UNC5C: variants seen among roughly 807,000 people sequenced by gnomAD.
The protein encoded by UNC5C is netrin receptor UNC5C.
In UNC5C, 47 loss-of-function variants were observed where a neutral mutation model predicts 99.8. That is an observed-to-expected ratio of 0.47 (90% CI 0.37 to 0.60). The LOEUF (loss-of-function observed/expected upper bound fraction) is 0.60, where lower values mean the gene tolerates loss of function less well. Ranked by LOEUF, UNC5C falls within the 20% of genes least tolerant of loss-of-function variation. UNC5C has a pLI of 0.00. For missense variants in UNC5C, 1,062 were observed against 1,165.9 expected, an observed-to-expected ratio of 0.91 and a Z score of 1.30; for synonymous variants, 487 against 452.2, an observed-to-expected ratio of 1.08 and a Z score of -0.98.
intron 1 of UNC5C, among the ~76,000 whole-genome samples, chr4:95,417,822 T>C (rs1005645274): frequency 3.9e-5 from 6 of 152,176 alleles, no homozygotes; most frequent in African/African-American, 1.4e-4. Context: ...TTCTTTCTTC[T>C]CCTTTGATCT....
intron 4 of UNC5C, 85 bp downstream of exon 4, chr4:95,278,174 T>C (rs983372369): frequency 1.3e-4 from 144 of 1,129,910 alleles, no homozygotes; most frequent in Non-Finnish European, 1.8e-4. Context: ...CATACCCTAA[T>C]TCACTGCACC....
Position 95,182,900 on chromosome 4 carries a change from T to C in UNC5C, c.2448A>G (p.Ser816=), listed in dbSNP as rs182876652. The part of the protein sequence containing the change: ...GQIFQLNCTV[S]EEPTGIDLPL... ...CAGACAGACAGGAGCCACTTACCTC[T>C]GACACGGTGCAGTTGAGCTGGAAGA... Residue 816 remains serine (S), a synonymous_variant, in exon 14 of 16, where the codon TCA becomes TCG. Transcript: ENST00000453304. 6.3e-5 allele frequency: 101 copies of C among 1,611,660 alleles called. No homozygotes were observed. In the East Asian group the frequency reaches 1.8e-3, roughly 29 times the overall value.
chr4:95,328,813 G>T (rs999709194), intron 2 of UNC5C, among the ~76,000 whole-genome samples: 2 of 152,106 alleles, frequency 1.3e-5, no homozygotes, highest in African/African-American at 2.4e-5. Context: ...ACCAAAGCCG[G>T]GCAGAGACAC....
intron 1 of UNC5C, among the ~76,000 whole-genome samples, chr4:95,426,270 T>C (rs1042655176): frequency 6.6e-6 from 1 of 152,250 alleles, no homozygotes; most frequent in Non-Finnish European, 1.5e-5. Flanking sequence ...ATTGTTTTGA[T>C]GTGCCATGAA....
rs1241983630 is a variant in UNC5C at position 95,419,948 on chromosome 4, CTTT to C, written c.125-84320_125-84318del. Among the ~76,000 whole-genome samples, 4 of 152,200 alleles carry C rather than the reference CTTT, an allele frequency of 2.6e-5. No homozygotes were observed. The East Asian group carries it at 5.8e-4, about 22-fold the overall frequency. On this transcript the variant is annotated intron_variant, in intron 1 of 15. Coordinates refer to ENST00000453304, the MANE Select transcript of UNC5C (RefSeq NM_003728.4). ...ACAGGATGGATATTTTTTACAATGG[CTTT>C]TTATGTTTAAAAATATCTTATAACA...
At chr4:95,400,943 C>T (rs1053397146) in intron 1 of UNC5C, among the ~76,000 whole-genome samples, 1 of 152,190 alleles carries the variant, frequency 6.6e-6, no homozygotes. Context: ...AATACAGCTG[C>T]CAAATCACAT....
chr4:95,377,149 G>A (rs766063595), intron 1 of UNC5C, among the ~76,000 whole-genome samples: 1 of 152,186 alleles, frequency 6.6e-6, no homozygotes. Context: ...GACAAAAGGA[G>A]TAGGCAGGAG....
At chr4:95,191,531 C>CTGCTCACCCTCCCCACCAACCCCACTTTG (rs2149354732) in intron 12 of UNC5C, among the ~76,000 whole-genome samples, 2 of 152,060 alleles carry the variant, frequency 1.3e-5, no homozygotes, top group Admixed American at 6.5e-5. Context: ...CCTACACCCT[C>CTGCTCACCCTCCCCACCAACCCCACTTTG]TGCTCACCCT....
intron 14 of UNC5C, among the ~76,000 whole-genome samples, chr4:95,176,749 T>C (rs1228846836): frequency 1.3e-5 from 2 of 152,240 alleles, no homozygotes; most frequent in Non-Finnish European, 2.9e-5. Context: ...GCAGGCCTCC[T>C]TGAGCTGTGG....
chr4:95,400,614 A>G (rs1745661575), intron 1 of UNC5C, among the ~76,000 whole-genome samples: 2 of 152,022 alleles, frequency 1.3e-5, no homozygotes, highest in Admixed American at 1.3e-4. Context: ...GATGGTCTCA[A>G]TCTCCTGACC....
At chr4:95,483,699 C>G (rs1721242256) in intron 1 of UNC5C, among the ~76,000 whole-genome samples, 1 of 151,802 alleles carries the variant, frequency 6.6e-6, no homozygotes, top group Admixed American at 6.6e-5. Context: ...TTGATAACAT[C>G]TCTTAATAGA....
At chr4:95,414,253 G>T (rs905631785) in intron 1 of UNC5C, among the ~76,000 whole-genome samples, 2 of 150,694 alleles carry the variant, frequency 1.3e-5, no homozygotes, top group Non-Finnish European at 2.9e-5. Flanking sequence ...GAGAGAGAAA[G>T]TTACCAAAAA....
intron 5 of UNC5C, among the ~76,000 whole-genome samples, chr4:95,249,077 C>T (rs1308719792): frequency 6.6e-6 from 1 of 152,140 alleles, no homozygotes; most frequent in Non-Finnish European, 1.5e-5. Context: ...CATTTTGTTA[C>T]AGTTTCCTAC....
At chr4:95,214,642 A>C (rs958862594) in intron 10 of UNC5C, among the ~76,000 whole-genome samples, 4 of 152,236 alleles carry the variant, frequency 2.6e-5, no homozygotes, top group African/African-American at 9.6e-5. Flanking sequence ...GCAGATAATG[A>C]TAATCTGATG....
chr4:95,187,979 T>C (rs746224285), intron 12 of UNC5C, among the ~76,000 whole-genome samples: 3 of 152,198 alleles, frequency 2.0e-5, no homozygotes, highest in Non-Finnish European at 4.4e-5. Context: ...AGTCAAAACA[T>C]TGAGCATGCA....
intron 1 of UNC5C, among the ~76,000 whole-genome samples, chr4:95,511,999 A>G (rs1027405103): frequency 6.6e-6 from 1 of 152,086 alleles, no homozygotes; most frequent in Non-Finnish European, 1.5e-5. Flanking sequence ...ATGCGAAGGA[A>G]GTAGCATATC....
rs114433355 is a variant in UNC5C at position 95,169,500 on chromosome 4, G to C, written c.2631-101C>G. 3.4e-4 allele frequency: 470 copies of C among 1,371,606 alleles called. 1 individual carries two copies. In the African/African-American group the frequency reaches 5.9e-3, roughly 17 times the overall value. 85.0% of individuals were successfully genotyped at this position (1,371,606 alleles called of 1,614,324 possible). On this transcript the variant is annotated intron_variant, in intron 15 of 15. Coordinates refer to ENST00000453304, the MANE Select transcript of UNC5C (RefSeq NM_003728.4). ...CTCTCTACTTGTCTTTAAGTTTCCTGGTCCCATTGTGGCTGACAGTGAGCC... is the reference window on the plus strand; with the variant it reads ...CTCTCTACTTGTCTTTAAGTTTCCTCGTCCCATTGTGGCTGACAGTGAGCC...
intron 10 of UNC5C, among the ~76,000 whole-genome samples, chr4:95,214,836 T>C (rs1738193463): frequency 6.6e-6 from 1 of 152,224 alleles, no homozygotes; most frequent in Non-Finnish European, 1.5e-5. Context: ...TGGAGTTTGC[T>C]GATCTTCTTT....
intron 1 of UNC5C, among the ~76,000 whole-genome samples, chr4:95,347,231 C>G (rs1381668371): frequency 6.6e-6 from 1 of 151,908 alleles, no homozygotes; most frequent in Non-Finnish European, 1.5e-5. Flanking sequence ...AAAATGAAAA[C>G]TGTAAAACAT....
Sources: allele counts gnomAD v4.1 joint callset (sites outside exome capture counted in the v4.1 genomes callset), GRCh38; gene constraint gnomAD v4.1.1; transcripts MANE v1.5; gene names NCBI Gene and HGNC (gene_info 2026-07-23, HGNC 2026-07-21).